LSM14A: variants seen among roughly 807,000 people sequenced by gnomAD.
LSM14A encodes protein LSM14 homolog A.
LSM14A carries 14 observed loss-of-function variants against 52.4 expected under a neutral mutation model. The observed-to-expected ratio is 0.27, with a 90% CI of 0.18 to 0.42. The LOEUF is 0.42. Ranked by LOEUF, LSM14A falls within the 10% of genes least tolerant of loss-of-function variation. The pLI, the probability that LSM14A is intolerant of heterozygous loss-of-function variation, is 1.00. For synonymous variants in LSM14A, 185 were observed against 200.3 expected (o/e 0.92, Z 0.64); for missense variants, 417 against 581.8 (o/e 0.72, Z 2.91).
chr19:34,192,308 TTCTTTTTG>T (rs2070434893), intron 1 of LSM14A, among the ~76,000 whole-genome samples: 1 of 124,602 alleles, frequency 8.0e-6, no homozygotes. Context: ...TGAAATAACA[TTCTTTTTG>T]TTGTTTTTTT....
intron 9 of LSM14A, among the ~76,000 whole-genome samples, chr19:34,222,686 CTA>C (rs1016194539): frequency 3.3e-5 from 5 of 152,282 alleles, no homozygotes; most frequent in Non-Finnish European, 5.9e-5. Context: ...TGGACCTGCT[CTA>C]TTAATTTTAA....
chr19:34,196,176 T>C (rs1219180301), intron 2 of LSM14A, among the ~76,000 whole-genome samples: 1 of 152,152 alleles, frequency 6.6e-6, no homozygotes, highest in African/African-American at 2.4e-5. Context: ...ATGTAAATGG[T>C]TTTATGTGGG....
chr19:34,191,708 T>G (rs1188491611), intron 1 of LSM14A, among the ~76,000 whole-genome samples: 1 of 152,198 alleles, frequency 6.6e-6, no homozygotes, highest in Non-Finnish European at 1.5e-5. Context: ...TTAATAGAGC[T>G]TCTCTAATTT....
At chr19:34,215,046 C>G (rs978344504) in intron 4 of LSM14A, 78 bp from the exon 5 acceptor site, 21 of 1,216,362 alleles carry the variant, frequency 1.7e-5, no homozygotes, top group Admixed American at 1.0e-4. Context: ...AAATAAAACT[C>G]TGGACAATTT....
At chr19:34,227,233 GAC>G in intron 9 of LSM14A, 130 bp from the exon 10 acceptor site, 2 of 676,604 alleles carry the variant, frequency 3.0e-6, no homozygotes, top group Non-Finnish European at 5.2e-6. Flanking sequence ...AAATGAGTGA[GAC>G]AGGTTTTTCT....
intron 4 of LSM14A, among the ~76,000 whole-genome samples, chr19:34,211,425 A>G (rs1361479776): frequency 6.6e-6 from 1 of 152,186 alleles, no homozygotes; most frequent in African/African-American, 2.4e-5. Context: ...AGTTGGTCAT[A>G]CTAAGAAATA....
At chr19:34,221,208 A>G (rs888010339) in intron 8 of LSM14A, 2 of 324,234 alleles carry the variant, frequency 6.2e-6, no homozygotes, top group Non-Finnish European at 1.1e-5. Context: ...TCAACCCCCC[A>G]AGTAGCTGGG....
At chr19:34,217,255 CAA>C (rs55881439) in intron 6 of LSM14A, among the ~76,000 whole-genome samples, 40,661 of 110,116 alleles carry the variant, frequency 0.37, 6,244 homozygotes, top group Non-Finnish European at 0.39. Context: ...GAGAGTCTGT[CAA>C]AAAAAAAAAA....
At chr19:34,210,297 T>C (rs2072039311) in intron 4 of LSM14A, among the ~76,000 whole-genome samples, 2 of 151,744 alleles carry the variant, frequency 1.3e-5, no homozygotes, top group African/African-American at 4.8e-5. Context: ...TAAGATGGAG[T>C]CTTGCTCTGT....
chr19:34,192,311 TTTTTGTTG>T (rs1263055439), intron 1 of LSM14A, among the ~76,000 whole-genome samples: 12 of 86,432 alleles, frequency 1.4e-4, no homozygotes, highest in South Asian at 4.4e-4. Flanking sequence ...AATAACATTC[TTTTTGTTG>T]TTTTTTTTTT....
chr19:34,192,310 C>CTTTTTTTTTTTTTT (rs1568479681), intron 1 of LSM14A, among the ~76,000 whole-genome samples: 2 of 51,664 alleles, frequency 3.9e-5, no homozygotes, highest in African/African-American at 7.1e-5. Flanking sequence ...AAATAACATT[C>CTTTTTTTTTTTTTT]TTTTTGTTGT....
chr19:34,215,066 T>C, intron 4 of LSM14A, 58 bp from the exon 5 acceptor site: 1 of 1,412,198 alleles, frequency 7.1e-7, no homozygotes, highest in Admixed American at 2.3e-5. Flanking sequence ...TTTTTTAGGG[T>C]CTAGATTATT....
Position 34,215,245 on chromosome 19 carries a change from CAGGCCTT to C in LSM14A, c.661_667del (p.Arg221CysfsTer38). 6.2e-7 allele frequency: 1 copy of C among 1,614,070 alleles called. No homozygotes were observed. The highest frequency in any genetic ancestry group is 1.1e-5 in the South Asian group (1 of 91,054). On this transcript the variant is annotated frameshift_variant, in exon 5 of 10. Coordinates refer to ENST00000544216, the MANE Select transcript of LSM14A (RefSeq NM_015578.4). LOFTEE classifies it high-confidence loss of function. Reference sequence around the variant, plus strand: ...TTGGGAGAAGGAGTCCTGTATCAACCAGGCCTTTGCCATCTGCCAGCCAAAAGGCAGG... The same window carrying C: ...TTGGGAGAAGGAGTCCTGTATCAACCTGCCATCTGCCAGCCAAAAGGCAGG...
chr19:34,220,727 G>A, intron 8 of LSM14A, among the ~76,000 whole-genome samples: 1 of 152,158 alleles, frequency 6.6e-6, no homozygotes, highest in Non-Finnish European at 1.5e-5. Context: ...ACGATTGGCT[G>A]GATGACAGCA....
intron 4 of LSM14A, among the ~76,000 whole-genome samples, chr19:34,214,171 T>G (rs957830109): frequency 2.0e-5 from 3 of 152,190 alleles, no homozygotes; most frequent in African/African-American, 7.2e-5. Context: ...GAAGGGTTTT[T>G]TTTGTTTGTT....
rs537831443 is a variant in LSM14A at position 34,194,250 on chromosome 19, A to G, written c.122-228A>G. On this transcript the variant is annotated intron_variant, in intron 1 of 9. Transcript: ENST00000544216. ...ACAAATAAATAAAAATATAAGAGGA[A>G]CACAACCTCATAATACAGATAGTCT... Among the ~76,000 whole-genome samples, 129 of 152,206 alleles carry G rather than the reference A, an allele frequency of 8.5e-4. 1 individual carries two copies. The highest frequency in any genetic ancestry group is 1.6e-3 in the Non-Finnish European group (112 of 68,038).
intron 1 of LSM14A, among the ~76,000 whole-genome samples, chr19:34,187,976 CT>C (rs1411571598): frequency 1.3e-5 from 2 of 151,906 alleles, no homozygotes; most frequent in Admixed American, 6.6e-5. Flanking sequence ...AAAATTGATT[CT>C]ATTTTAAGAC....
At chr19:34,216,500 C>A (rs748336776) in intron 6 of LSM14A, among the ~76,000 whole-genome samples, 4 of 151,968 alleles carry the variant, frequency 2.6e-5, no homozygotes, top group African/African-American at 9.7e-5. Context: ...ACTCTTGTTA[C>A]CCAGGCTGTA....
intron 1 of LSM14A, among the ~76,000 whole-genome samples, chr19:34,180,323 T>G (rs560435907): frequency 1.3e-5 from 2 of 152,190 alleles, no homozygotes; most frequent in South Asian, 4.1e-4. Context: ...TTTGTTTTTT[T>G]CTGGAAGAAA....
Sources: allele counts gnomAD v4.1 joint callset (sites outside exome capture counted in the v4.1 genomes callset), GRCh38; gene constraint gnomAD v4.1.1; transcripts MANE v1.5; gene names NCBI Gene and HGNC (gene_info 2026-07-23, HGNC 2026-07-21).